Variants in IL1RAPL1 observed in about 807,000 individuals in gnomAD.
IL1RAPL1 encodes interleukin-1 receptor accessory protein-like 1.
In IL1RAPL1, 3 loss-of-function variants were observed where a neutral mutation model predicts 48.4. That is an observed-to-expected ratio of 0.06 (90% confidence interval 0.03 to 0.16). The LOEUF (loss-of-function observed/expected upper bound fraction) is 0.16, where lower values mean the gene tolerates loss of function less well. Among genes scored for constraint, IL1RAPL1 ranks in the 10% least tolerant of loss-of-function variants. The pLI is 1.00. For synonymous variants in IL1RAPL1, 185 were observed against 187.7 expected, an observed-to-expected ratio of 0.99 and a Z score of 0.12; for missense variants, 349 against 530.6, an observed-to-expected ratio of 0.66 and a Z score of 3.36.
intron 5 of IL1RAPL1, among the ~76,000 whole-genome samples, chrX:29,569,275 G>A (rs1324089282): frequency 9.0e-6 from 1 of 110,710 alleles, no homozygotes. Context: ...TGAAAAAAAT[G>A]TAACTAGAGT....
chrX:28,734,771 G>A (rs1476358287), intron 1 of IL1RAPL1, among the ~76,000 whole-genome samples: 1 of 111,509 alleles, frequency 9.0e-6, no homozygotes, highest in East Asian at 2.8e-4. Context: ...TCATTTACTG[G>A]TTGGATCAGT....
At chrX:28,976,917 T>TA (rs1384416533) in intron 2 of IL1RAPL1, among the ~76,000 whole-genome samples, 10 of 112,363 alleles carry the variant, frequency 8.9e-5, no homozygotes, top group Non-Finnish European at 5.6e-5. Context: ...GTTGGAAGAA[T>TA]ACAACTCTGC....
At chrX:29,174,879 A>C (rs527363022) in intron 2 of IL1RAPL1, among the ~76,000 whole-genome samples, 5 of 110,575 alleles carry the variant, frequency 4.5e-5, no homozygotes, top group South Asian at 7.6e-4. Context: ...TCGACACCAT[A>C]CTGGCTAACA....
chrX:28,722,568 T>A (rs369878465), intron 1 of IL1RAPL1, among the ~76,000 whole-genome samples: 6 of 111,402 alleles, frequency 5.4e-5, no homozygotes, highest in Non-Finnish European at 1.1e-4. Context: ...CTTTTCCTAA[T>A]TGAATACCCT....
At chrX:29,319,550 G>GTATCTATC (rs1196506135) in intron 3 of IL1RAPL1, among the ~76,000 whole-genome samples, 685 of 48,322 alleles carry the variant, frequency 0.014, 6 homozygotes, top group Non-Finnish European at 0.031. Context: ...ATGTATGTAT[G>GTATCTATC]TATGTATGTA....
At chrX:29,447,615 G>C (rs1934627725) in intron 5 of IL1RAPL1, among the ~76,000 whole-genome samples, 1 of 112,009 alleles carries the variant, frequency 8.9e-6, no homozygotes, top group Non-Finnish European at 1.9e-5. Context: ...ACATAAGGCA[G>C]GTGTCTTGTC....
intron 6 of IL1RAPL1, among the ~76,000 whole-genome samples, chrX:29,910,059 G>A (rs929895905): frequency 3.6e-5 from 4 of 111,673 alleles, no homozygotes; most frequent in African/African-American, 1.3e-4. Flanking sequence ...TATACACCAT[G>A]GAATACTATG....
intron 5 of IL1RAPL1, among the ~76,000 whole-genome samples, chrX:29,501,022 T>G (rs1041765593): frequency 8.9e-6 from 1 of 111,985 alleles, no homozygotes; most frequent in African/African-American, 3.2e-5. Flanking sequence ...TCATTGTTGT[T>G]TTGGTTTGCA....
At chrX:28,688,795 TAATG>T (rs1210941796) in intron 1 of IL1RAPL1, among the ~76,000 whole-genome samples, 1 of 111,455 alleles carries the variant, frequency 9.0e-6, no homozygotes, top group Non-Finnish European at 1.9e-5. Context: ...GAATGAATGA[TAATG>T]AACATTATCA....
intron 5 of IL1RAPL1, among the ~76,000 whole-genome samples, chrX:29,570,337 A>G (rs1008647407): frequency 3.6e-5 from 4 of 112,431 alleles, no homozygotes; most frequent in Admixed American, 9.4e-5. Context: ...TTGGAAAAAT[A>G]TTTTCAATGC....
chrX:28,873,681 G>A (rs1210703822), intron 2 of IL1RAPL1, among the ~76,000 whole-genome samples: 2 of 107,692 alleles, frequency 1.9e-5, no homozygotes, highest in East Asian at 2.9e-4. Context: ...ACAGGAGCCC[G>A]CCACCACAGC....
chrX:28,737,169 CCTTCCTTCCTTT>C (rs1357927625), intron 1 of IL1RAPL1, among the ~76,000 whole-genome samples: 2 of 66,735 alleles, frequency 3.0e-5, no homozygotes, highest in Non-Finnish European at 2.7e-5. Flanking sequence ...TTCCTTCCTT[CCTTCCTTCCTTT>C]CTTTCCTTTC....
At chrX:29,853,676 A>T in intron 6 of IL1RAPL1, among the ~76,000 whole-genome samples, 1 of 111,991 alleles carries the variant, frequency 8.9e-6, no homozygotes, top group Non-Finnish European at 1.9e-5. Flanking sequence ...CTTGATTATA[A>T]ATCTTTTTTC....
intron 5 of IL1RAPL1, among the ~76,000 whole-genome samples, chrX:29,553,430 C>G (rs1319960668): frequency 9.0e-6 from 1 of 111,143 alleles, no homozygotes; most frequent in African/African-American, 3.3e-5. Flanking sequence ...ATACTGGGGC[C>G]CCGTTAGTTT....
At chrX:28,977,890 G>C (rs1336306322) in intron 2 of IL1RAPL1, among the ~76,000 whole-genome samples, 2 of 111,957 alleles carry the variant, frequency 1.8e-5, no homozygotes, top group Non-Finnish European at 3.8e-5. Context: ...CAGGACCCGG[G>C]GGGTGGAGGT....
At chrX:28,636,414 T>C (rs1934465724) in intron 1 of IL1RAPL1, among the ~76,000 whole-genome samples, 1 of 112,240 alleles carries the variant, frequency 8.9e-6, no homozygotes, top group Non-Finnish European at 1.9e-5. Flanking sequence ...TAAAGATACA[T>C]AATTTTTTAT....
chrX:29,509,212 C>T (rs1414062337), intron 5 of IL1RAPL1, among the ~76,000 whole-genome samples: 1 of 111,804 alleles, frequency 8.9e-6, no homozygotes, highest in African/African-American at 3.2e-5. Flanking sequence ...CAGGTACAAA[C>T]TGAAGCTGCA....
chrX:29,373,630 T>G, intron 3 of IL1RAPL1, among the ~76,000 whole-genome samples: 1 of 110,550 alleles, frequency 9.0e-6, no homozygotes, highest in Admixed American at 9.7e-5. Context: ...GTTGTTTTAA[T>G]CAGGAATAGA....
intron 6 of IL1RAPL1, among the ~76,000 whole-genome samples, chrX:29,882,664 ACAGG>A (rs1297744645): frequency 8.9e-6 from 1 of 112,168 alleles, no homozygotes; most frequent in Non-Finnish European, 1.9e-5. Flanking sequence ...ATTTACAAAA[ACAGG>A]CAGGAAGACT....
Sources: gnomAD v4.1 joint callset for allele counts (sites outside exome capture counted in the v4.1 genomes callset) on GRCh38, gnomAD v4.1.1 for gene constraint, MANE v1.5 for transcripts, NCBI Gene and HGNC (gene_info 2026-07-23, HGNC 2026-07-21) for gene names.